Variants in CNTN6 observed in about 807,000 individuals in gnomAD.
CNTN6 encodes contactin 6, also known as contactin-6.
Under a neutral mutation model 122.8 loss-of-function variants are expected in CNTN6, and 137 were observed. The observed-to-expected ratio is 1.12, with a 90% CI of 0.97 to 1.29. CNTN6 has a LOEUF of 1.29. Among genes scored for constraint, CNTN6 ranks in the 50% most tolerant of loss-of-function variants. CNTN6 has a pLI of 0.00. For missense variants in CNTN6, 1,634 were observed against 1,223.4 expected, an observed-to-expected ratio of 1.34 and a Z score of -5.01; for synonymous variants, 570 against 426.0, an observed-to-expected ratio of 1.34 and a Z score of -4.16.
chr3:1,356,293 G>T (rs1706545126), intron 12 of CNTN6, among the ~76,000 whole-genome samples: 1 of 151,686 alleles, frequency 6.6e-6, no homozygotes, highest in Non-Finnish European at 1.5e-5. Context: ...TTCAATTATA[G>T]GCCTCATTGC....
intron 1 of CNTN6, among the ~76,000 whole-genome samples, chr3:1,139,331 CT>C (rs1419992965): frequency 2.0e-5 from 3 of 152,062 alleles, no homozygotes; most frequent in Non-Finnish European, 4.4e-5. Context: ...GCATAAATTC[CT>C]ATCCCTGTAC....
intron 1 of CNTN6, among the ~76,000 whole-genome samples, chr3:1,125,455 C>A (rs7613423): frequency 0.42 from 63,160 of 151,458 alleles, 13,462 homozygotes; most frequent in East Asian, 0.48. Context: ...GCTGGTGTTC[C>A]CTGGCAGTGC....
At chr3:1,117,743 G>A (rs2091782346) in intron 1 of CNTN6, among the ~76,000 whole-genome samples, 1 of 152,192 alleles carries the variant, frequency 6.6e-6, no homozygotes, top group Non-Finnish European at 1.5e-5. Context: ...CTGACTGGAA[G>A]TAGCAACAAG....
Position 1,127,802 on chromosome 3 carries a change from C to T in CNTN6, c.-82-20125C>T, listed in dbSNP as rs77551733. Among the ~76,000 whole-genome samples the T allele has an allele frequency of 1.9e-3, 288 of 151,812 alleles. 1 individual carries two copies. The highest frequency in any genetic ancestry group is 6.2e-3 in the African/African-American group (256 of 41,440). ...TTCCAAATTTTTCAGGCCTTTCATT[C>T]GGCCAAAGCAACAATTGATGTGGTA... On this transcript the variant is annotated intron_variant, in intron 1 of 22. Transcript: ENST00000446702.
At chr3:1,220,576 T>C in intron 2 of CNTN6, 111 bp from the exon 3 acceptor site, 6 of 989,902 alleles carry the variant, frequency 6.1e-6, no homozygotes, top group Non-Finnish European at 8.2e-6. Flanking sequence ...TTTGAGATTG[T>C]TTTAAAATAA....
chr3:1,274,752 A>G (rs1333539602), intron 4 of CNTN6, among the ~76,000 whole-genome samples: 1 of 152,190 alleles, frequency 6.6e-6, no homozygotes, highest in African/African-American at 2.4e-5. Context: ...TGAACTTTGT[A>G]TCAGTCAGAG....
intron 4 of CNTN6, among the ~76,000 whole-genome samples, chr3:1,244,432 G>A (rs1207245667): frequency 7.2e-6 from 1 of 138,584 alleles, no homozygotes; most frequent in African/African-American, 2.8e-5. Flanking sequence ...AAGGAGAAGG[G>A]GTTGAGGGGT....
intron 2 of CNTN6, among the ~76,000 whole-genome samples, chr3:1,149,136 T>G (rs6809888): frequency 0.045 from 6,860 of 152,186 alleles, 477 homozygotes; most frequent in African/African-American, 0.15. Flanking sequence ...ATAAAGGCAA[T>G]AATCGTGGCT....
intron 5 of CNTN6, among the ~76,000 whole-genome samples, chr3:1,282,541 C>G (rs997116278): frequency 3.9e-5 from 6 of 152,214 alleles, no homozygotes; most frequent in Non-Finnish European, 1.5e-5. Flanking sequence ...AACTGAATCT[C>G]TGTCCTTAGG....
At chr3:1,245,110 C>A (rs149259952) in intron 4 of CNTN6, among the ~76,000 whole-genome samples, 1,890 of 140,950 alleles carry the variant, frequency 0.013, 77 homozygotes, top group African/African-American at 0.049. Flanking sequence ...TTTGCACACA[C>A]GTGTTTATAT....
intron 4 of CNTN6, among the ~76,000 whole-genome samples, chr3:1,267,421 C>T (rs2094943694): frequency 6.6e-6 from 1 of 151,998 alleles, no homozygotes; most frequent in South Asian, 2.1e-4. Flanking sequence ...AAATGGGAGT[C>T]ATATGGGGTA....
intron 11 of CNTN6, among the ~76,000 whole-genome samples, 184 bp from the exon 12 acceptor site, chr3:1,352,140 C>A (rs1705735747): frequency 6.6e-6 from 1 of 151,588 alleles, no homozygotes; most frequent in Admixed American, 6.6e-5. Flanking sequence ...AAAGCAAATG[C>A]CATTTACTGT....
chr3:1,302,295 T>C (rs1250347782), intron 7 of CNTN6, among the ~76,000 whole-genome samples: 2 of 152,158 alleles, frequency 1.3e-5, no homozygotes, highest in African/African-American at 4.8e-5. Context: ...CTTCTAAATC[T>C]TCCTGTCTAC....
chr3:1,205,624 C>T (rs1238024856), intron 2 of CNTN6, among the ~76,000 whole-genome samples: 2 of 152,154 alleles, frequency 1.3e-5, no homozygotes, highest in African/African-American at 4.8e-5. Flanking sequence ...CCAAATTTAA[C>T]ATGCTTTATG....
chr3:1,366,644 G>A (rs937442495), intron 12 of CNTN6, among the ~76,000 whole-genome samples: 2 of 152,114 alleles, frequency 1.3e-5, no homozygotes, highest in Admixed American at 6.6e-5. Context: ...TGTGATTTTT[G>A]TCTCTGTGGG....
At chr3:1,403,276 C>A in intron 22 of CNTN6, 42 bp from the exon 23 acceptor site, 1 of 1,357,414 alleles carries the variant, frequency 7.4e-7, no homozygotes, top group Non-Finnish European at 1.0e-6. Context: ...ACAGGCAATA[C>A]TTTATCTCAA....
At chr3:1,162,135 A>G (rs1002366701) in intron 2 of CNTN6, among the ~76,000 whole-genome samples, 3 of 152,296 alleles carry the variant, frequency 2.0e-5, no homozygotes, top group East Asian at 3.9e-4. Context: ...GAAGCTCACA[A>G]TAGAACAGAT....
rs755004914 is a variant in CNTN6, at chr3:1,333,478, A to T, written c.1364+3543A>T. ...ACACAGTTGTATATATATGAAGAATAAAAAAGTCAGATATAGGAAAAAAGT... is the reference window on the plus strand; with the variant it reads ...ACACAGTTGTATATATATGAAGAATTAAAAAGTCAGATATAGGAAAAAAGT... On this transcript the variant is annotated intron_variant, in intron 11 of 22. Coordinates refer to ENST00000446702, the MANE Select transcript of CNTN6 (RefSeq NM_001289080.2). Among the ~76,000 whole-genome samples the T allele has an allele frequency of 8.5e-4, 129 of 152,226 alleles. 2 individuals are homozygous for T. The highest frequency in any genetic ancestry group is 3.4e-3 in the Middle Eastern group (1 of 294).
At chr3:1,202,543 A>AAAT (rs2093897003) in intron 2 of CNTN6, among the ~76,000 whole-genome samples, 2 of 126,504 alleles carry the variant, frequency 1.6e-5, no homozygotes, top group African/African-American at 3.0e-5. Context: ...TCCGTCTCAA[A>AAAT]AAATAAATAA....
Sources: allele counts gnomAD v4.1 joint callset (sites outside exome capture counted in the v4.1 genomes callset), GRCh38; gene constraint gnomAD v4.1.1; transcripts MANE v1.5; gene names NCBI Gene and HGNC (gene_info 2026-07-23, HGNC 2026-07-21).